Variants in CEP85L observed in about 807,000 individuals in gnomAD.
CEP85L encodes the protein centrosomal protein of 85 kDa-like.
A neutral mutation model predicts 100.3 loss-of-function variants in CEP85L; 60 were observed. The observed-to-expected ratio is 0.60, with a 90% confidence interval of 0.49 to 0.74. The LOEUF is 0.74. CEP85L is among the 30% of genes least tolerant of loss of function. The pLI is 0.00. For synonymous variants in CEP85L, 319 were observed against 322.7 expected, an observed-to-expected ratio of 0.99 and a Z score of 0.12; for missense variants, 973 against 936.2, an observed-to-expected ratio of 1.04 and a Z score of -0.51.
In CEP85L at chr6:118,672,041, TTTTG is replaced by T. The variant is rs1372095472; in HGVS notation, c.-27-19237_-27-19234del. ...TTTGACGTATTATTCTCTTTTTTTG[TTTTG>T]TTTTTGTTTTGAGACAGGGTTTCAT... On this transcript the variant is annotated intron_variant, in intron 1 of 13. Transcript: ENST00000368488. 4.6e-5 allele frequency among the ~76,000 whole-genome samples: 7 copies of T among 152,290 alleles called. No homozygotes were observed. The East Asian group carries it at 7.7e-4, about 17-fold the overall frequency.
intron 1 of CEP85L, among the ~76,000 whole-genome samples, chr6:118,671,285 T>C (rs1364022237): frequency 1.3e-5 from 2 of 152,190 alleles, no homozygotes; most frequent in Non-Finnish European, 2.9e-5. Context: ...CAACTTCCCC[T>C]CCTTGTATTA....
At chr6:118,680,239 G>C (rs1045994407) in intron 1 of CEP85L, among the ~76,000 whole-genome samples, 1 of 145,184 alleles carries the variant, frequency 6.9e-6, no homozygotes, top group Admixed American at 7.1e-5. Flanking sequence ...GTTGCAGTGA[G>C]CCCTGGTCAT....
chr6:118,582,865 A>G (rs749469244), intron 2 of CEP85L, among the ~76,000 whole-genome samples: 1 of 152,198 alleles, frequency 6.6e-6, no homozygotes, highest in Non-Finnish European at 1.5e-5. Flanking sequence ...ATAGCACCCT[A>G]GAGAACCTCC....
intron 6 of CEP85L, among the ~76,000 whole-genome samples, chr6:118,484,231 G>A (rs769740988): frequency 2.6e-5 from 4 of 152,172 alleles, no homozygotes; most frequent in Non-Finnish European, 4.4e-5. Context: ...TATGAGAATC[G>A]CTTGAACTGG....
rs1206614896 is a variant in CEP85L, at chr6:118,464,508, TC to T, written c.*896del. 2 of 152,086 alleles carry T rather than the reference TC, an allele frequency of 1.3e-5. No homozygotes were observed. The highest frequency in any genetic ancestry group is 4.8e-5 in the African/African-American group (2 of 41,434). The allele number at this position is 152,086 out of a possible 1,614,324, so 9.4% of individuals were successfully genotyped here. On this transcript the variant is annotated 3_prime_UTR_variant, in exon 13 of 13. Coordinates refer to ENST00000368491, the MANE Select transcript of CEP85L (RefSeq NM_001042475.3). ...GAGATTTGGATAAGTAAGCTATTGT[TC>T]CAGGGTAACTTTGTTAATCTTCCTT...
chr6:118,588,878 T>A (rs1215084512), intron 2 of CEP85L, among the ~76,000 whole-genome samples: 2 of 152,092 alleles, frequency 1.3e-5, no homozygotes, highest in African/African-American at 4.8e-5. Flanking sequence ...CATTCAATGC[T>A]CCTTTTCAGC....
At chr6:118,551,902 A>G (rs546152606) in intron 3 of CEP85L, among the ~76,000 whole-genome samples, 1 of 152,150 alleles carries the variant, frequency 6.6e-6, no homozygotes, top group Admixed American at 6.5e-5. Context: ...AAGCCAACAG[A>G]TTCATCGTAA....
intron 3 of CEP85L, chr6:118,558,678 G>C (rs1583046498): frequency 3.8e-6 from 2 of 529,118 alleles, no homozygotes; most frequent in Non-Finnish European, 6.8e-6. Flanking sequence ...GAGAGAGAGA[G>C]AGAGAGAGAG....
intron 2 of CEP85L, among the ~76,000 whole-genome samples, chr6:118,620,399 T>C (rs541997930): frequency 1.1e-4 from 16 of 152,088 alleles, no homozygotes; most frequent in East Asian, 3.9e-4. Flanking sequence ...AAGCAAACAT[T>C]GGAGGTTCAG....
chr6:118,487,486 T>C (rs1278218383), intron 6 of CEP85L, among the ~76,000 whole-genome samples: 1 of 152,180 alleles, frequency 6.6e-6, no homozygotes, highest in Non-Finnish European at 1.5e-5. Flanking sequence ...AAATTCCCTT[T>C]TTAAGAAATC....
chr6:118,646,606 T>C (rs1387746783), intron 1 of CEP85L, among the ~76,000 whole-genome samples: 2 of 151,690 alleles, frequency 1.3e-5, no homozygotes, highest in South Asian at 2.1e-4. Flanking sequence ...GAGACGGAGG[T>C]TGCTGTGAGC....
intron 2 of CEP85L, among the ~76,000 whole-genome samples, chr6:118,579,789 G>A (rs973883106): frequency 6.6e-6 from 1 of 152,182 alleles, no homozygotes; most frequent in Non-Finnish European, 1.5e-5. Flanking sequence ...TTTCTTTTAA[G>A]GCAGCTCCAG....
At chr6:118,622,814 A>T (rs943758018) in intron 2 of CEP85L, among the ~76,000 whole-genome samples, 5 of 152,198 alleles carry the variant, frequency 3.3e-5, no homozygotes, top group African/African-American at 1.2e-4. Flanking sequence ...GGTCATCAAA[A>T]AGATGAAGGA....
intron 2 of CEP85L, among the ~76,000 whole-genome samples, chr6:118,630,794 A>G (rs1774093985): frequency 6.6e-6 from 1 of 152,220 alleles, no homozygotes; most frequent in Non-Finnish European, 1.5e-5. Flanking sequence ...GCAGGAGGTG[A>G]GTGGCTGCAG....
intron 7 of CEP85L, among the ~76,000 whole-genome samples, chr6:118,482,611 A>G (rs1296948696): frequency 1.3e-5 from 2 of 152,196 alleles, no homozygotes; most frequent in African/African-American, 2.4e-5. Context: ...GGTCATGGAC[A>G]CTTGGGCTAC....
intron 3 of CEP85L, chr6:118,565,232 C>T: frequency 2.6e-5 from 9 of 341,568 alleles, no homozygotes; most frequent in African/African-American, 4.2e-5. Flanking sequence ...TTTTTTGTTT[C>T]TGTTTCCAAG....
intron 3 of CEP85L, among the ~76,000 whole-genome samples, chr6:118,538,288 T>C (rs1010840911): frequency 1.3e-5 from 2 of 151,954 alleles, no homozygotes; most frequent in Non-Finnish European, 2.9e-5. Flanking sequence ...TGTTACTAAC[T>C]CTGTAAGCTT....
chr6:118,608,709 A>T (rs899986388), intron 2 of CEP85L, among the ~76,000 whole-genome samples: 1 of 152,200 alleles, frequency 6.6e-6, no homozygotes, highest in Non-Finnish European at 1.5e-5. Context: ...CATGTGTTTT[A>T]AAAAAGTACT....
At position 118,462,738 on chromosome 6, in the gene CEP85L, T is replaced by A. The variant is rs1772296361; in HGVS notation, c.*2667A>T. On this transcript the variant is annotated 3_prime_UTR_variant, in exon 13 of 13. Transcript: ENST00000368491. The stretch of plus-strand genomic sequence containing the variant: ...ATGCTCTAGTGTTGCTATTTGCCCA[T>A]CTTATTTGGTCTAACAGTAAAATCT... 6.6e-6 allele frequency: 1 copy of A among 151,986 alleles called. No individual in the cohort carries two copies. Among genetic ancestry groups the A allele is most frequent in the Non-Finnish European group, 1.5e-5 (1 of 67,892 alleles). The allele number at this position is 151,986 out of a possible 1,614,324, so 9.4% of individuals were successfully genotyped here.
Sources: allele counts gnomAD v4.1 joint callset (sites outside exome capture counted in the v4.1 genomes callset), GRCh38; gene constraint gnomAD v4.1.1; transcripts MANE v1.5; gene names NCBI Gene and HGNC (gene_info 2026-07-23, HGNC 2026-07-21).